The following AGTPBP1 variants were observed in gnomAD, a reference collection of about 807,000 sequenced individuals.
AGTPBP1 encodes ATP/GTP binding carboxypeptidase 1, also known as cytosolic carboxypeptidase 1.
AGTPBP1 carries 70 observed loss-of-function variants against 143.9 expected under a neutral mutation model. That is an observed-to-expected ratio of 0.49 (90% CI 0.40 to 0.59). The LOEUF is 0.59. Ranked by LOEUF, AGTPBP1 falls within the 20% of genes least tolerant of loss-of-function variation. The pLI is 0.00. For synonymous variants in AGTPBP1, 463 were observed against 500.2 expected (o/e 0.93, Z 0.99); for missense variants, 1,229 against 1,464.5 (o/e 0.84, Z 2.62).
chr9:85,761,772 A>G, the AGTPBP1 span, among the ~76,000 whole-genome samples: 1 of 152,222 alleles, frequency 6.6e-6, no homozygotes, highest in South Asian at 2.1e-4. Context: ...AAATTGACAA[A>G]TGGGATCTAA....
At chr9:85,569,247 A>T (rs930693289) in intron 25 of AGTPBP1, among the ~76,000 whole-genome samples, 1 of 152,220 alleles carries the variant, frequency 6.6e-6, no homozygotes, top group African/African-American at 2.4e-5. Context: ...AAATATCAAC[A>T]GCTAAGAGAA....
intron 18 of AGTPBP1, among the ~76,000 whole-genome samples, chr9:85,595,755 G>A (rs895836060): frequency 6.6e-6 from 1 of 152,034 alleles, no homozygotes; most frequent in African/African-American, 2.4e-5. Context: ...TCAAACTCCT[G>A]ACCTCAGGTG....
At chr9:85,679,861 T>TA (rs1483222629) in intron 4 of AGTPBP1, among the ~76,000 whole-genome samples, 1 of 152,198 alleles carries the variant, frequency 6.6e-6, no homozygotes, top group Admixed American at 6.5e-5. Flanking sequence ...TCTTCATACT[T>TA]AAAAAAGCCT....
At position 85,623,756 on chromosome 9, in the gene AGTPBP1, CAA is replaced by C. The variant is rs529304682; in HGVS notation, c.2016-2473_2016-2472del. On this transcript the variant is annotated intron_variant, in intron 14 of 25. Transcript: ENST00000357081. ...TGGGCGACAGAGCGAGACTCTGTCT[CAA>C]AAAAAAAAAAAAAGGAGGGAAACAG... Among the ~76,000 whole-genome samples, 117 of 83,768 alleles carry C rather than the reference CAA, an allele frequency of 1.4e-3. 1 individual carries two copies. The highest frequency in any genetic ancestry group is 3.7e-3 in the African/African-American group (96 of 25,656). The allele number at this position is 83,768 out of a possible 152,430, so 55.0% of individuals were successfully genotyped here. A position where few individuals can be genotyped will look rare whatever the true frequency, so the allele number is the denominator to read the frequency against.
At chr9:85,754,115 T>A in the AGTPBP1 span, among the ~76,000 whole-genome samples, 1 of 152,172 alleles carries the variant, frequency 6.6e-6, no homozygotes, top group Admixed American at 6.5e-5. Context: ...TAGAAAGGAG[T>A]TGATTTGAAT....
chr9:85,658,318 TA>T (rs1833654640), intron 9 of AGTPBP1, among the ~76,000 whole-genome samples: 1 of 152,176 alleles, frequency 6.6e-6, no homozygotes, highest in Non-Finnish European at 1.5e-5. Flanking sequence ...AGAACTACAC[TA>T]AAGGTTTTTG....
intron 24 of AGTPBP1, among the ~76,000 whole-genome samples, chr9:85,576,429 A>C (rs1476316463): frequency 6.6e-6 from 1 of 152,200 alleles, no homozygotes; most frequent in Non-Finnish European, 1.5e-5. Context: ...ATGACTTTAC[A>C]GTTATTTTTA....
At chr9:85,694,161 T>C (rs1340956818) in intron 2 of AGTPBP1, among the ~76,000 whole-genome samples, 1 of 151,974 alleles carries the variant, frequency 6.6e-6, no homozygotes, top group Non-Finnish European at 1.5e-5. Flanking sequence ...AGCAGAAGAG[T>C]TACATGTTCT....
intron 1 of AGTPBP1, among the ~76,000 whole-genome samples, chr9:85,729,691 A>G (rs76403824): frequency 0.015 from 2,255 of 152,276 alleles, 25 homozygotes; most frequent in Middle Eastern, 0.037. Flanking sequence ...ATAGCAAAAA[A>G]AAAAAGAATG....
intron 14 of AGTPBP1, among the ~76,000 whole-genome samples, chr9:85,631,367 T>C (rs550498610): frequency 6.1e-4 from 93 of 152,264 alleles, no homozygotes; most frequent in Non-Finnish European, 1.1e-3. Context: ...ATGCACTGCA[T>C]GCTGCAAGAT....
At chr9:85,667,746 C>T (rs150947227) in intron 8 of AGTPBP1, among the ~76,000 whole-genome samples, 112 of 151,986 alleles carry the variant, frequency 7.4e-4, no homozygotes, top group African/African-American at 2.6e-3. Context: ...TAAGCCAGAA[C>T]GTGTGACATT....
At chr9:85,656,965 T>A (rs1341678896) in intron 10 of AGTPBP1, among the ~76,000 whole-genome samples, 3 of 152,044 alleles carry the variant, frequency 2.0e-5, no homozygotes, top group Non-Finnish European at 4.4e-5. Context: ...TTTCTACTTC[T>A]TCCTTTTGCC....
intron 21 of AGTPBP1, 84 bp from the exon 22 acceptor site, chr9:85,587,044 C>A: frequency 2.0e-6 from 3 of 1,509,208 alleles, no homozygotes; most frequent in Non-Finnish European, 2.7e-6. Flanking sequence ...ATATACATAT[C>A]TGATTTAACT....
At chr9:85,596,900 T>C (rs933932933) in intron 17 of AGTPBP1, among the ~76,000 whole-genome samples, 2 of 152,166 alleles carry the variant, frequency 1.3e-5, no homozygotes, top group African/African-American at 4.8e-5. Flanking sequence ...TATGTGTTTG[T>C]AGGAGAGAAA....
At chr9:85,669,002 TGTGTGTATAC>T (rs1246050166) in intron 8 of AGTPBP1, among the ~76,000 whole-genome samples, 2 of 83,432 alleles carry the variant, frequency 2.4e-5, no homozygotes, top group African/African-American at 4.7e-5. Context: ...TGTGTGTGTG[TGTGTGTATAC>T]ATACACACAC....
chr9:85,572,002 GTGTTTTTTTTTTTT>G (rs1564019587), intron 25 of AGTPBP1, among the ~76,000 whole-genome samples: 7 of 85,302 alleles, frequency 8.2e-5, no homozygotes, highest in Admixed American at 4.3e-4. Context: ...TTGTTTGTGT[GTGTTTTTTTTTTTT>G]TTTTTTTTTT....
chr9:85,752,657 T>C, the AGTPBP1 span, among the ~76,000 whole-genome samples: 1 of 152,218 alleles, frequency 6.6e-6, no homozygotes, highest in Non-Finnish European at 1.5e-5. Flanking sequence ...CTATACATTA[T>C]ATGTATTGAA....
chr9:85,770,404 T>C, the AGTPBP1 span: 2 of 1,603,908 alleles, frequency 1.2e-6, no homozygotes, highest in Non-Finnish European at 1.7e-6. Context: ...CCATAACCTC[T>C]CTCGTGGTGA....
intron 14 of AGTPBP1, among the ~76,000 whole-genome samples, chr9:85,627,669 T>C (rs1394379271): frequency 1.3e-5 from 2 of 152,192 alleles, no homozygotes; most frequent in Non-Finnish European, 2.9e-5. Flanking sequence ...CCTTTGCCCC[T>C]GCTGAGACAG....
Sources: gnomAD v4.1 joint callset for allele counts (sites outside exome capture counted in the v4.1 genomes callset) on GRCh38, gnomAD v4.1.1 for gene constraint, MANE v1.5 for transcripts, NCBI Gene and HGNC (gene_info 2026-07-23, HGNC 2026-07-21) for gene names.